Variants in ARHGAP31 observed in about 807,000 individuals in gnomAD.
The protein encoded by ARHGAP31 is Rho GTPase activating protein 31, also known as rho GTPase-activating protein 31.
Under a neutral mutation model 113.9 loss-of-function variants are expected in ARHGAP31, and 34 were observed. The ratio of observed to expected loss-of-function variants is 0.30; its 90% CI spans 0.23 to 0.40. The LOEUF (loss-of-function observed/expected upper bound fraction) is 0.40. Ranked by LOEUF, ARHGAP31 falls within the 10% of genes least tolerant of loss-of-function variation. The pLI is 1.00. For missense variants in ARHGAP31, 1,548 were observed against 1,767.1 expected (o/e 0.88, Z 2.22); for synonymous variants, 650 against 684.8 (o/e 0.95, Z 0.79).
At chr3:119,381,086 G>C (rs2107630647) in intron 4 of ARHGAP31, 100 bp downstream of exon 4, 1 of 1,170,464 alleles carries the variant, frequency 8.5e-7, no homozygotes, top group South Asian at 1.3e-5. Context: ...GTGGACAGTA[G>C]CAAGTTTAGG....
chr3:119,317,155 G>A (rs914510417), intron 1 of ARHGAP31, among the ~76,000 whole-genome samples: 1 of 151,876 alleles, frequency 6.6e-6, no homozygotes, highest in Non-Finnish European at 1.5e-5. Context: ...TGTTTTGTAT[G>A]GTATGTCACA....
rs539800741 is a variant in ARHGAP31 at position 119,396,391 on chromosome 3, A to T, written c.1006+2800A>T. 5.9e-5 allele frequency among the ~76,000 whole-genome samples: 9 copies of T among 152,338 alleles called. No individual in the cohort carries two copies. In the South Asian group the frequency reaches 1.9e-3, roughly 32 times the overall value. On this transcript the variant is annotated intron_variant, in intron 8 of 11. Coordinates refer to ENST00000264245, the MANE Select transcript of ARHGAP31 (RefSeq NM_020754.4). ...ATGATCTTATGAACAAACTAATCAG[A>T]TCTTCACTAACTGGATGCAGCGGTG...
intron 1 of ARHGAP31, among the ~76,000 whole-genome samples, chr3:119,349,354 C>T (rs1418544010): frequency 6.6e-6 from 1 of 152,122 alleles, no homozygotes; most frequent in African/African-American, 2.4e-5. Context: ...AGCTTGGTGT[C>T]CCATTTTTGG....
At chr3:119,355,457 G>A (rs962255860) in intron 1 of ARHGAP31, among the ~76,000 whole-genome samples, 4 of 149,810 alleles carry the variant, frequency 2.7e-5, no homozygotes, top group African/African-American at 9.8e-5. Context: ...AACATTTTGA[G>A]TGCTTCTGTT....
At chr3:119,328,115 T>C (rs1366706089) in intron 1 of ARHGAP31, among the ~76,000 whole-genome samples, 1 of 152,190 alleles carries the variant, frequency 6.6e-6, no homozygotes, top group Non-Finnish European at 1.5e-5. Context: ...AAAAATTAGT[T>C]TAAGAAAACC....
Position 119,403,644 on chromosome 3 carries a change from C to T in ARHGAP31, c.1645+1247C>T, listed in dbSNP as rs1008928029. ...TGAAAGAGGTGTTCCTAACAGATGG[C>T]AAGGGCATGAAGGAGAGACAGTCCT... On this transcript the variant is annotated intron_variant, in intron 10 of 11. Transcript: ENST00000264245. 9.9e-5 allele frequency among the ~76,000 whole-genome samples: 15 copies of T among 152,232 alleles called. No homozygotes were observed. In the South Asian group the frequency reaches 1.5e-3, roughly 15 times the overall value.
At chr3:119,348,624 T>C (rs1296616213) in intron 1 of ARHGAP31, among the ~76,000 whole-genome samples, 1 of 152,234 alleles carries the variant, frequency 6.6e-6, no homozygotes, top group African/African-American at 2.4e-5. Flanking sequence ...TCTATGCACA[T>C]CCTCTCGTAT....
In ARHGAP31 at chr3:119,321,876, CT is replaced by C. The variant is rs535879212; in HGVS notation, c.100+26874del. On this transcript the variant is annotated intron_variant, in intron 1 of 11. Transcript: ENST00000264245. ...CCATGTTGGCCAGGCTGGTCTTGAA[CT>C]TCTGACCTCGGGTGATCTGCCCGCC... Among the ~76,000 whole-genome samples, 6 of 152,338 alleles carry C rather than the reference CT, an allele frequency of 3.9e-5. No individual in the cohort carries two copies. The East Asian group carries it at 1.2e-3, about 29-fold the overall frequency.
intron 1 of ARHGAP31, among the ~76,000 whole-genome samples, chr3:119,304,761 G>A (rs550247396): frequency 6.6e-6 from 1 of 152,122 alleles, no homozygotes; most frequent in Non-Finnish European, 1.5e-5. Context: ...TGGGCTTGGT[G>A]GTGGGCGCCT....
At chr3:119,321,391 C>T (rs2079784401) in intron 1 of ARHGAP31, among the ~76,000 whole-genome samples, 1 of 146,386 alleles carries the variant, frequency 6.8e-6, no homozygotes, top group African/African-American at 2.5e-5. Context: ...CATGCTTATC[C>T]TCATTGTAGA....
At chr3:119,381,283 C>A (rs1559986058) in intron 4 of ARHGAP31, among the ~76,000 whole-genome samples, 1 of 152,112 alleles carries the variant, frequency 6.6e-6, no homozygotes, top group East Asian at 1.9e-4. Context: ...TTGGTTCATA[C>A]CCAGATTTGT....
intron 10 of ARHGAP31, among the ~76,000 whole-genome samples, chr3:119,403,059 G>A (rs1025777564): frequency 6.6e-6 from 1 of 152,200 alleles, no homozygotes; most frequent in Non-Finnish European, 1.5e-5. Context: ...TGTGTCTGGA[G>A]TGAAGAGAGT....
chr3:119,383,900 A>G (rs143602188), intron 6 of ARHGAP31, among the ~76,000 whole-genome samples: 1 of 152,334 alleles, frequency 6.6e-6, no homozygotes, highest in East Asian at 1.9e-4. Context: ...GTGGTTTTCC[A>G]ACATTAGTGT....
intron 1 of ARHGAP31, among the ~76,000 whole-genome samples, chr3:119,302,849 C>T (rs891230265): frequency 6.6e-6 from 1 of 152,158 alleles, no homozygotes; most frequent in Non-Finnish European, 1.5e-5. Context: ...CTTTGTTTTT[C>T]CCACAGCCTA....
chr3:119,297,945 C>CACACACACACACA (rs1559958490), intron 1 of ARHGAP31, among the ~76,000 whole-genome samples: 2 of 150,638 alleles, frequency 1.3e-5, no homozygotes, highest in African/African-American at 4.9e-5. Context: ...CACACACACA[C>CACACACACACACA]CGTGTATGCA....
At position 119,413,957 on chromosome 3, in the gene ARHGAP31, T is replaced by C; in HGVS notation, c.2028T>C (p.Ala676=). ...EEELSSLPPP[A]LKTSPIQPIL... ...AGCTCTCATCGTTGCCACCTCCTGC[T>C]CTGAAGACCAGCCCAATTCAGCCTA... Residue 676 remains alanine (A), a synonymous_variant, in exon 12 of 12, where the codon GCT becomes GCC. Transcript: ENST00000264245. 6.2e-7 allele frequency: 1 copy of C among 1,614,182 alleles called. No homozygotes were observed. The highest frequency in any genetic ancestry group is 1.6e-4 in the Middle Eastern group (1 of 6,062).
chr3:119,407,374 A>AAAT (rs1559995847), intron 10 of ARHGAP31, among the ~76,000 whole-genome samples: 27 of 151,006 alleles, frequency 1.8e-4, no homozygotes, highest in South Asian at 6.2e-4. Flanking sequence ...AAAGAAAAAA[A>AAAT]AAATAAAGAA....
At chr3:119,322,321 A>AAATCCT (rs1235406021) in intron 1 of ARHGAP31, among the ~76,000 whole-genome samples, 1 of 152,210 alleles carries the variant, frequency 6.6e-6, no homozygotes, top group Non-Finnish European at 1.5e-5. Context: ...TCTTGAATTT[A>AAATCCT]TCTTAGACAT....
chr3:119,295,063 GGACTCTCTCGAGTTGTGATAGAGTC>G, intron 1 of ARHGAP31, 59 bp downstream of exon 1: 1 of 1,489,212 alleles, frequency 6.7e-7, no homozygotes, highest in Non-Finnish European at 9.4e-7. Flanking sequence ...AGGGAGAGAC[GGACTCTCTCGAGTTGTGATAGAGTC>G]GGTTCACAAG....
Sources: allele counts gnomAD v4.1 joint callset (sites outside exome capture counted in the v4.1 genomes callset), GRCh38; gene constraint gnomAD v4.1.1; transcripts MANE v1.5; gene names NCBI Gene and HGNC (gene_info 2026-07-23, HGNC 2026-07-21).